The following AP4M1 variants were observed in gnomAD, a reference collection of about 807,000 sequenced individuals.
The protein encoded by AP4M1 is AP-4 complex subunit mu-1.
Under a neutral mutation model 62.4 loss-of-function variants are expected in AP4M1, and 58 were observed. The ratio of observed to expected loss-of-function variants is 0.93; its 90% CI spans 0.75 to 1.16. The LOEUF (loss-of-function observed/expected upper bound fraction) is 1.16, where lower values mean the gene tolerates loss of function less well. Among genes scored for constraint, AP4M1 ranks in the 50% most tolerant of loss-of-function variants. The pLI is 0.00. For synonymous variants in AP4M1, 290 were observed against 239.7 expected, an observed-to-expected ratio of 1.21 and a Z score of -1.94; for missense variants, 626 against 585.4, an observed-to-expected ratio of 1.07 and a Z score of -0.72.
At chr7:100,101,015 C>G (rs1795988343), upstream of AP4M1, 1 of 795,134 alleles carries the variant, frequency 1.3e-6, no homozygotes, top group Admixed American at 3.1e-5. Context: ...AGCGCGCCCC[C>G]AAGCCCCCAA....
At chr7:100,101,372 T>G (rs1026977334), upstream of AP4M1, 1 of 1,593,216 alleles carries the variant, frequency 6.3e-7, no homozygotes, top group Non-Finnish European at 8.6e-7. Flanking sequence ...CTCCGCGCGG[T>G]GGACTGTGGC....
chr7:100,106,674 C>T lies in AP4M1; in HGVS notation c.1154C>T (p.Pro385Leu), dbSNP rs767859048. 1 of 1,613,446 alleles carries T rather than the reference C, an allele frequency of 6.2e-7. No homozygotes were observed. Among genetic ancestry groups the T allele is most frequent in the East Asian group, 2.2e-5 (1 of 44,870 alleles). The stretch of plus-strand genomic sequence containing the variant: ...CCCTCACAGATGGACGTCCCAGGGC[C>T]CCCAGGACCTCCCAGCCATGGGCTC... ...SGLFQMDVPG[P>L]PGPPSHGLST... Residue 385 changes from proline to leucine, a missense_variant, in exon 15 of 15, where the codon CCC becomes CTC. Transcript: ENST00000359593.
At chr7:100,101,384 G>A (rs899199562), upstream of AP4M1, 1 of 1,569,826 alleles carries the variant, frequency 6.4e-7, no homozygotes, top group South Asian at 1.1e-5. Flanking sequence ...GACTGTGGCC[G>A]GCCAACCGAA....
chr7:100,105,535 G>C lies in AP4M1; in HGVS notation c.925G>C (p.Gly309Arg). Residue 309 changes from glycine (G) to arginine (R), a missense_variant, in exon 11 of 15, where the codon GGC becomes CGC. Gly to Arg is a moderately radical substitution (Grantham distance 125). Transcript: ENST00000359593. ...FPSVQWDRGS[G>R]RLQVYLKLRC... ...CTCTGTGCAGTGGGACCGAGGCTCA[G>C]GCCGGTGAGACAATTTCCTGGGTTC... The C allele has an allele frequency of 1.2e-6, 2 of 1,612,810 alleles. No homozygotes were observed. Among genetic ancestry groups the C allele is most frequent in the South Asian group, 2.2e-5 (2 of 91,080 alleles).
chr7:100,106,319 A>G, intron 13 of AP4M1, 28 bp downstream of exon 13: 2 of 1,613,640 alleles, frequency 1.2e-6, no homozygotes, highest in Non-Finnish European at 8.5e-7. Flanking sequence ...CCACGGGGAG[A>G]TTCCTGGGGA....
At chr7:100,106,617 CT>C in intron 14 of AP4M1, 40 bp from the exon 15 acceptor site, 2 of 1,596,462 alleles carry the variant, frequency 1.3e-6, no homozygotes, top group Non-Finnish European at 1.7e-6. Context: ...GCGTGGTCAG[CT>C]TCTTGCCCTC....
upstream of AP4M1, chr7:100,101,341 G>C (rs771176295): frequency 2.5e-6 from 4 of 1,611,310 alleles, no homozygotes; most frequent in African/African-American, 1.3e-5. Context: ...CAGAGGTCTT[G>C]CTCCTGGGGA....
chr7:100,104,502 T>A (rs745624169), intron 7 of AP4M1, among the ~76,000 whole-genome samples: 18 of 149,504 alleles, frequency 1.2e-4, no homozygotes, highest in Non-Finnish European at 2.4e-4. Context: ...CTAGCCCGGA[T>A]GACAGAGCAA....
At position 100,106,050 on chromosome 7, in the gene AP4M1, G is replaced by A. The variant is rs568470107; in HGVS notation, c.974+47G>A. The A allele has an allele frequency of 1.1e-5, 17 of 1,608,164 alleles. No individual in the cohort carries two copies. The East Asian group carries it at 3.8e-4, about 36-fold the overall frequency. ...CTGAGTTCAGCTCTATGGGACGGAAGACAGGGCCAGGGCACCTGCTGCTTC... is the reference window on the plus strand; with the variant it reads ...CTGAGTTCAGCTCTATGGGACGGAAAACAGGGCCAGGGCACCTGCTGCTTC... On this transcript the variant is annotated intron_variant, in intron 12 of 14. Transcript: ENST00000359593.
chr7:100,102,613 T>A (rs1796143433), intron 2 of AP4M1, 62 bp from the exon 3 acceptor site: 1 of 1,476,190 alleles, frequency 6.8e-7, no homozygotes, highest in African/African-American at 1.4e-5. Context: ...TCAGGTCTCC[T>A]GGGTTCTGAT....
At position 100,103,677 on chromosome 7, in the gene AP4M1, C is replaced by T. The variant is rs769678706; in HGVS notation, c.528C>T (p.Ser176=). ...GTGCAGCCAGCCGCCCCGTCCTGTC[C>T]AGTCGCTCTGACCAGGTGAGGGAAG... ...PSSAASRPVL[S]SRSDQSQKNE... Residue 176 remains serine (S), a synonymous_variant, in exon 6 of 15, where the codon TCC becomes TCT. Coordinates refer to ENST00000359593, the MANE Select transcript of AP4M1 (RefSeq NM_004722.4). 2.5e-6 allele frequency: 4 copies of T among 1,612,754 alleles called. No homozygotes were observed. Among genetic ancestry groups the T allele is most frequent in the Non-Finnish European group, 3.4e-6 (4 of 1,179,998 alleles).
chr7:100,101,633 C>T (rs920694368), upstream of AP4M1: 2 of 1,385,406 alleles, frequency 1.4e-6, no homozygotes, highest in Non-Finnish European at 1.0e-6. Context: ...AGGGCCAGCG[C>T]ACACGCGTTC....
At chr7:100,101,357 A>G (rs545473946), upstream of AP4M1, 60 of 1,606,624 alleles carry the variant, frequency 3.7e-5, no homozygotes, top group African/African-American at 2.3e-4. Flanking sequence ...GGGGAAGCTG[A>G]GAATCTCCGC....
Position 100,108,368 on chromosome 7 carries a change from T to C in AP4M1, c.*1486T>C. ...CCTCCTCCCCACCCGGCCACGGACC[T>C]GCGTGATGGTCAGAGTGGTCCTGTT... On this transcript the variant is annotated 3_prime_UTR_variant, in exon 15 of 15. Transcript: ENST00000359593. The C allele has an allele frequency of 6.3e-7, 1 of 1,598,076 alleles. No individual in the cohort carries two copies. The highest frequency in any genetic ancestry group is 8.6e-7 in the Non-Finnish European group (1 of 1,168,998).
intron 4 of AP4M1, 26 bp downstream of exon 4, chr7:100,102,986 G>A (rs1300910230): frequency 1.3e-6 from 2 of 1,598,824 alleles, no homozygotes; most frequent in East Asian, 2.2e-5. Context: ...CCCCTTCTGT[G>A]GCCCCTACCC....
intron 2 of AP4M1, 39 bp downstream of exon 2, chr7:100,102,007 G>T: frequency 6.2e-7 from 1 of 1,607,720 alleles, no homozygotes; most frequent in Non-Finnish European, 8.5e-7. Context: ...GCGGGGTCCC[G>T]TCGGGCCGGG....
Position 100,105,298 on chromosome 7 carries a change from C to G in AP4M1, c.786C>G (p.Asp262Glu), listed in dbSNP as rs750687666. The change falls in exon 10 of 15, where the codon GAC (aspartate) becomes GAG (glutamate). Residue 262 changes from aspartate (D) to glutamate (E), a missense_variant. Coordinates refer to ENST00000359593, the MANE Select transcript of AP4M1 (RefSeq NM_004722.4). ...EVSFHSSVNLDEFESHRILRL... is the reference protein window; with the variant it reads ...EVSFHSSVNLEEFESHRILRL... ...CGTTTCACAGCTCTGTGAATCTGGA[C>G]GAATTTGAGTCTCATCGAATCCTCC... The G allele has an allele frequency of 6.2e-7, 1 of 1,614,082 alleles. No homozygotes were observed. The highest frequency in any genetic ancestry group is 8.5e-7 in the Non-Finnish European group (1 of 1,180,034).
In AP4M1 at chr7:100,108,352, C is replaced by G. The variant is rs781768797; in HGVS notation, c.*1470C>G. ...TCTGCTTCCTCCTATTCCTCCTCCC[C>G]ACCCGGCCACGGACCTGCGTGATGG... On this transcript the variant is annotated 3_prime_UTR_variant, in exon 15 of 15. Transcript: ENST00000359593. 3 of 1,589,120 alleles carry G rather than the reference C, an allele frequency of 1.9e-6. No individual in the cohort carries two copies. The highest frequency in any genetic ancestry group is 2.6e-6 in the Non-Finnish European group (3 of 1,164,474).
Position 100,108,367 on chromosome 7 carries a change from C to T in AP4M1, c.*1485C>T. 6.3e-7 allele frequency: 1 copy of T among 1,597,918 alleles called. No individual in the cohort carries two copies. Among genetic ancestry groups the T allele is most frequent in the Non-Finnish European group, 8.6e-7 (1 of 1,168,896 alleles). On this transcript the variant is annotated 3_prime_UTR_variant, in exon 15 of 15. Transcript: ENST00000359593. Reference sequence around the variant, plus strand: ...TCCTCCTCCCCACCCGGCCACGGACCTGCGTGATGGTCAGAGTGGTCCTGT... The same window carrying T: ...TCCTCCTCCCCACCCGGCCACGGACTTGCGTGATGGTCAGAGTGGTCCTGT...
Sources: gnomAD v4.1 joint callset for allele counts (sites outside exome capture counted in the v4.1 genomes callset) on GRCh38, gnomAD v4.1.1 for gene constraint, MANE v1.5 for transcripts, NCBI Gene and HGNC (gene_info 2026-07-23, HGNC 2026-07-21) for gene names.